SIPA1L2: variants seen among roughly 807,000 people sequenced by gnomAD.
SIPA1L2 encodes the protein signal-induced proliferation-associated 1-like protein 2.
In SIPA1L2, 56 loss-of-function variants were observed where a neutral mutation model predicts 163.9. The observed-to-expected ratio is 0.34, with a 90% CI of 0.28 to 0.43. The LOEUF is 0.43. SIPA1L2 is among the 20% of genes least tolerant of loss of function. The probability of loss-of-function intolerance (pLI) is 1.00; values close to 1 mark genes in which losing one functional copy is unlikely to be tolerated. For missense variants in SIPA1L2, 1,974 were observed against 2,193.5 expected, an observed-to-expected ratio of 0.90 and a Z score of 2.00; for synonymous variants, 877 against 865.7, an observed-to-expected ratio of 1.01 and a Z score of -0.23.
chr1:232,564,784 T>C (rs1217791035), intron 2 of SIPA1L2, among the ~76,000 whole-genome samples: 1 of 152,096 alleles, frequency 6.6e-6, no homozygotes, highest in Non-Finnish European at 1.5e-5. Flanking sequence ...CATATTAATA[T>C]AGATGGGAGA....
Position 232,432,307 on chromosome 1 carries a change from C to T in SIPA1L2, c.4196G>A (p.Gly1399Asp). 1 of 1,614,182 alleles carries T rather than the reference C, an allele frequency of 6.2e-7. No individual in the cohort carries two copies. The highest frequency in any genetic ancestry group is 8.5e-7 in the Non-Finnish European group (1 of 1,180,048). Residue 1399 changes from glycine (G) to aspartate (D), a missense_variant, in exon 16 of 23, where the codon GGC becomes GAC. Physicochemically the swap from Gly to Asp is moderately conservative, Grantham distance 94. Coordinates refer to ENST00000674635, the MANE Select transcript of SIPA1L2 (RefSeq NM_020808.5). ...RQGAVNKYVIGWKKSEGSPPP... is the reference protein window; with the variant it reads ...RQGAVNKYVIDWKKSEGSPPP... Reference sequence around the variant, plus strand: ...TGGGCTGCCCTCCGATTTCTTCCAGCCGATGACATATTTGTTCACTGCCCC... The same window carrying T: ...TGGGCTGCCCTCCGATTTCTTCCAGTCGATGACATATTTGTTCACTGCCCC...
At chr1:232,531,019 T>C (rs1057394058) in intron 2 of SIPA1L2, among the ~76,000 whole-genome samples, 1 of 152,226 alleles carries the variant, frequency 6.6e-6, no homozygotes, top group Non-Finnish European at 1.5e-5. Flanking sequence ...GTGGTAACAG[T>C]AGCCTGGGTT....
chr1:232,443,818 G>A (rs1663049150), intron 11 of SIPA1L2, 133 bp from the exon 12 acceptor site: 1 of 645,836 alleles, frequency 1.5e-6, no homozygotes, highest in Non-Finnish European at 2.5e-6. Flanking sequence ...ATTGCCATGT[G>A]AAACAGAATA....
At chr1:232,462,150 G>T in intron 9 of SIPA1L2, 1 of 1,313,962 alleles carries the variant, frequency 7.6e-7, no homozygotes, top group Non-Finnish European at 1.1e-6. Flanking sequence ...CATCCCACTT[G>T]GTACATTAAA....
chr1:232,607,249 A>G (rs1474092858), intron 1 of SIPA1L2, among the ~76,000 whole-genome samples: 1 of 152,196 alleles, frequency 6.6e-6, no homozygotes, highest in Non-Finnish European at 1.5e-5. Flanking sequence ...CCATTAATGC[A>G]TATGCATATT....
intron 3 of SIPA1L2, among the ~76,000 whole-genome samples, chr1:232,496,131 T>C (rs911573864): frequency 1.3e-5 from 2 of 152,232 alleles, no homozygotes; most frequent in South Asian, 4.1e-4. Context: ...CGGATTTTAG[T>C]CAGTCCTGCA....
chr1:232,459,000 T>G (rs1360705004), intron 10 of SIPA1L2, among the ~76,000 whole-genome samples: 1 of 152,220 alleles, frequency 6.6e-6, no homozygotes, highest in Admixed American at 6.5e-5. Flanking sequence ...CTTAGTTTCT[T>G]AAATCCTTAT....
intron 2 of SIPA1L2, among the ~76,000 whole-genome samples, chr1:232,543,440 C>G (rs1657816987): frequency 6.7e-6 from 1 of 149,390 alleles, no homozygotes; most frequent in South Asian, 2.2e-4. Context: ...TCTGTCACCC[C>G]TTTCTCTTCC....
Position 232,460,923 on chromosome 1 carries a change from A to T in SIPA1L2, c.3059T>A (p.Val1020Asp). The change falls in exon 10 of 23, where the codon GTC becomes GAC. Residue 1020 changes from valine to aspartate, a missense_variant. This residue lies in a region of SIPA1L2 where 1,079 missense variants were observed against 1,150.7 expected (regional missense o/e 0.94). Coordinates refer to ENST00000674635, the MANE Select transcript of SIPA1L2 (RefSeq NM_020808.5). Reference sequence around the variant, plus strand: ...GCCGTCATCATGGGGCTGGATGATGACCACCTTCACAGTCACAGAAGTACG... The same window carrying T: ...GCCGTCATCATGGGGCTGGATGATGTCCACCTTCACAGTCACAGAAGTACG... Reference protein sequence around the residue: ...LLRTSVTVKVVIIQPHDDGSP... With the variant: ...LLRTSVTVKVDIIQPHDDGSP... 1 of 1,614,138 alleles carries T rather than the reference A, an allele frequency of 6.2e-7. No homozygotes were observed. Among genetic ancestry groups the T allele is most frequent in the Non-Finnish European group, 8.5e-7 (1 of 1,180,006 alleles).
intron 2 of SIPA1L2, among the ~76,000 whole-genome samples, chr1:232,549,401 T>C (rs1015201636): frequency 1.3e-5 from 2 of 152,156 alleles, no homozygotes; most frequent in African/African-American, 4.8e-5. Flanking sequence ...AAAGAGGAGA[T>C]CTGAAAGCCA....
chr1:232,559,198 C>A (rs1292003686), intron 2 of SIPA1L2, among the ~76,000 whole-genome samples: 2 of 152,188 alleles, frequency 1.3e-5, no homozygotes, highest in African/African-American at 4.8e-5. Flanking sequence ...CAGGGATTAT[C>A]CTAGAAGTCA....
At chr1:232,435,854 GTAACTT>G (rs1662530347) in intron 15 of SIPA1L2, among the ~76,000 whole-genome samples, 1 of 152,216 alleles carries the variant, frequency 6.6e-6, no homozygotes, top group Admixed American at 6.5e-5. Flanking sequence ...TCACAAGAGT[GTAACTT>G]GTCTTGAAGA....
At chr1:232,501,119 G>A (rs1323450189) in intron 3 of SIPA1L2, among the ~76,000 whole-genome samples, 10 of 136,748 alleles carry the variant, frequency 7.3e-5, no homozygotes, top group African/African-American at 1.4e-4. Context: ...GTGCAGTGGC[G>A]CAATCTTGGC....
At chr1:232,560,613 C>T (rs1658975104) in intron 2 of SIPA1L2, among the ~76,000 whole-genome samples, 2 of 152,200 alleles carry the variant, frequency 1.3e-5, no homozygotes, top group Non-Finnish European at 2.9e-5. Flanking sequence ...TCTCACCTGC[C>T]TCCTCTGCAT....
chr1:232,454,622 T>C (rs1284502621), intron 10 of SIPA1L2, among the ~76,000 whole-genome samples: 2 of 152,218 alleles, frequency 1.3e-5, no homozygotes, highest in Non-Finnish European at 2.9e-5. Flanking sequence ...CTGTCCACTA[T>C]GGTAGCCACG....
Position 232,589,215 on chromosome 1 carries a change from C to A in SIPA1L2, c.-318-14993G>T, listed in dbSNP as rs114187621. Among the ~76,000 whole-genome samples the A allele has an allele frequency of 6.2e-3, 946 of 152,322 alleles. 11 individuals are homozygous for A. Among genetic ancestry groups the A allele is most frequent in the African/African-American group, 0.022 (898 of 41,568 alleles). On this transcript the variant is annotated intron_variant, in intron 1 of 22. Transcript: ENST00000674635. ...TCATTTCAATTCATTAAGCCAAATA[C>A]GTATTCACTGAGGTTTCTCTTTAGG...
chr1:232,473,427 G>A (rs978582129), intron 7 of SIPA1L2, among the ~76,000 whole-genome samples: 6 of 152,210 alleles, frequency 3.9e-5, no homozygotes, highest in Admixed American at 6.5e-5. Flanking sequence ...AGTGATTGCC[G>A]GTGTGGCTTC....
At chr1:232,606,663 T>C (rs986400513) in intron 1 of SIPA1L2, among the ~76,000 whole-genome samples, 3 of 149,188 alleles carry the variant, frequency 2.0e-5, no homozygotes, top group African/African-American at 7.3e-5. Flanking sequence ...TTATTAATAC[T>C]AAAAAAGATC....
At chr1:232,475,893 G>A (rs1665020690) in intron 7 of SIPA1L2, among the ~76,000 whole-genome samples, 2 of 152,108 alleles carry the variant, frequency 1.3e-5, no homozygotes, top group South Asian at 4.1e-4. Flanking sequence ...TCTGTCACTA[G>A]GCAATACCAA....
Sources: gnomAD v4.1 joint callset for allele counts (sites outside exome capture counted in the v4.1 genomes callset) on GRCh38, gnomAD v4.1.1 for gene constraint, gnomAD v4.1.1 regional missense constraint, MANE v1.5 for transcripts, NCBI Gene and HGNC (gene_info 2026-07-23, HGNC 2026-07-21) for gene names.